The following CCDC9 variants were observed in gnomAD, a reference collection of about 807,000 sequenced individuals.
CCDC9 encodes the protein coiled-coil domain-containing protein 9.
Under a neutral mutation model 65.6 loss-of-function variants are expected in CCDC9, and 52 were observed. The observed-to-expected ratio is 0.79, with a 90% CI of 0.63 to 1.00. The LOEUF is 1.00. Ranked by LOEUF, CCDC9 falls within the 50% of genes least tolerant of loss-of-function variation. The probability of loss-of-function intolerance (pLI) is 0.00; values close to 1 mark genes in which losing one functional copy is unlikely to be tolerated. For missense variants in CCDC9, 834 were observed against 757.2 expected (o/e 1.10, Z -1.19); for synonymous variants, 332 against 280.3 (o/e 1.18, Z -1.84).
downstream of CCDC9, chr19:47,275,225 G>A (rs2059151072): frequency 2.0e-6 from 3 of 1,529,954 alleles, no homozygotes; most frequent in Non-Finnish European, 2.6e-6. Context: ...TCCCCGGCGG[G>A]CCGCGACCCC....
Position 47,264,654 on chromosome 19 carries a change from GAGA to G in CCDC9, c.518_520del (p.Lys173del). On this transcript the variant is annotated inframe_deletion, in exon 6 of 12. Transcript: ENST00000221922. ...CATTGAGAAGATGAATGAGGAGATG[GAGA>G]AGATCGCCGAGTATGAGCGCAACCA... 6.2e-7 allele frequency: 1 copy of G among 1,605,262 alleles called. No homozygotes were observed. The highest frequency in any genetic ancestry group is 1.1e-5 in the South Asian group (1 of 89,482).
In CCDC9 at chr19:47,258,639, T is replaced by C; in HGVS notation, c.84T>C (p.Asn28=). ...DKRIEALRRK[N]EALIRRYQEI... ...GGATCGAGGCTCTTCGGCGGAAGAA[T>C]GAGGCCCTCATCCGGCGCTACCAGG... is the stretch of plus-strand genomic sequence containing the variant. The change falls in exon 3 of 12, where the codon AAT becomes AAC. Residue 28 remains asparagine, a synonymous_variant. Transcript: ENST00000221922. The C allele has an allele frequency of 6.2e-7, 1 of 1,614,058 alleles. No homozygotes were observed. Among genetic ancestry groups the C allele is most frequent in the Non-Finnish European group, 8.5e-7 (1 of 1,179,930 alleles).
chr19:47,274,953 G>A, downstream of CCDC9: 3 of 1,374,200 alleles, frequency 2.2e-6, no homozygotes, highest in Admixed American at 1.1e-4. Context: ...CGGCGGCGCC[G>A]AGAGCCCCGG....
At chr19:47,275,014 C>A, downstream of CCDC9, 1 of 1,480,026 alleles carries the variant, frequency 6.8e-7, no homozygotes, top group Non-Finnish European at 8.9e-7. Context: ...CGCTTGGCTC[C>A]GGTATGCGCC....
At position 47,260,697 on chromosome 19, in the gene CCDC9, G is replaced by T. The variant is rs376079362; in HGVS notation, c.320G>T (p.Arg107Leu). 1.3e-6 allele frequency: 2 copies of T among 1,566,142 alleles called. No homozygotes were observed. Among genetic ancestry groups the T allele is most frequent in the East Asian group, 4.5e-5 (2 of 44,576 alleles). The change falls in exon 5 of 12, where the codon CGA (arginine) becomes CTA (leucine). Residue 107 changes from arginine to leucine, a missense_variant. Transcript: ENST00000221922. ...CAGGGAGGCCGGGCCGGCATGGGCC[G>T]AGCATCGCGCAGCTGGGAGGGCAGC... ...PQQGGRAGMG[R>L]ASRSWEGSPG...
At chr19:47,262,586 G>A (rs1268233117) in intron 5 of CCDC9, among the ~76,000 whole-genome samples, 1 of 152,096 alleles carries the variant, frequency 6.6e-6, no homozygotes, top group Admixed American at 6.6e-5. Context: ...CTGGGTTGCC[G>A]ACATGGTTGC....
chr19:47,265,476 G>C (rs984851510), intron 7 of CCDC9, among the ~76,000 whole-genome samples: 2 of 152,102 alleles, frequency 1.3e-5, no homozygotes, highest in African/African-American at 4.8e-5. Context: ...TGTGTGAGGG[G>C]TGGGGACCTG....
chr19:47,266,107 T>G (rs1238896858), intron 7 of CCDC9, among the ~76,000 whole-genome samples: 1 of 146,086 alleles, frequency 6.8e-6, no homozygotes, highest in East Asian at 2.2e-4. Context: ...GCCAGTCTCC[T>G]GCCTCAGCCT....
chr19:47,275,392 C>G (rs911815245), downstream of CCDC9: 11 of 1,519,188 alleles, frequency 7.2e-6, no homozygotes, highest in African/African-American at 1.2e-4. Flanking sequence ...CTCGAGAGCT[C>G]TGTGCTCCAC....
chr19:47,266,816 C>G (rs2059085490), intron 8 of CCDC9, 24 bp downstream of exon 8: 6 of 1,587,850 alleles, frequency 3.8e-6, no homozygotes, highest in South Asian at 1.2e-5. Context: ...CCGCTCCTCT[C>G]CCCATGTGGC....
chr19:47,274,028 AG>A, downstream of CCDC9: 1 of 963,380 alleles, frequency 1.0e-6, no homozygotes, highest in Non-Finnish European at 1.2e-6. Flanking sequence ...CTTGATGGGG[AG>A]GGGGCGTGAG....
Position 47,260,327 on chromosome 19 carries a change from G to A in CCDC9, c.115G>A (p.Glu39Lys). 1.9e-6 allele frequency: 3 copies of A among 1,587,000 alleles called. No homozygotes were observed. Among genetic ancestry groups the A allele is most frequent in the Non-Finnish European group, 2.6e-6 (3 of 1,166,212 alleles). ...EALIRRYQEI[E>K]EDRKKAELEG... is the part of the protein sequence containing the mutation. ...CCCGGCTGTCTGCTCCTAGGAGATT[G>A]AGGAAGACCGTAAGAAAGCTGAACT... Residue 39 changes from glutamate (E) to lysine (K), a missense_variant, in exon 4 of 12, where the codon GAG (glutamate) becomes AAG (lysine). Coordinates refer to ENST00000221922, the MANE Select transcript of CCDC9 (RefSeq NM_015603.3).
Position 47,266,702 on chromosome 19 carries a change from G to A in CCDC9, c.812G>A (p.Arg271Lys). 6.2e-7 allele frequency: 1 copy of A among 1,611,394 alleles called. No homozygotes were observed. The highest frequency in any genetic ancestry group is 8.5e-7 in the Non-Finnish European group (1 of 1,178,810). ...RSEYLRWKQE[R>K]EKIDQERLQR... ...GAGTACCTGCGCTGGAAGCAGGAGA[G>A]GGAGAAGATCGACCAGGAGCGGCTG... Residue 271 changes from arginine (R) to lysine (K), a missense_variant, in exon 8 of 12, where the codon AGG (arginine) becomes AAG (lysine). Arg to Lys is a conservative substitution (Grantham distance 26). Transcript: ENST00000221922.
intron 8 of CCDC9, among the ~76,000 whole-genome samples, chr19:47,267,257 C>T (rs943933673): frequency 7.2e-5 from 11 of 151,966 alleles, no homozygotes; most frequent in South Asian, 2.1e-4. Flanking sequence ...AGCCACCGCG[C>T]GCGGCCGAGC....
At chr19:47,267,524 C>T (rs1304106152) in intron 8 of CCDC9, among the ~76,000 whole-genome samples, 5 of 152,200 alleles carry the variant, frequency 3.3e-5, no homozygotes, top group Non-Finnish European at 7.4e-5. Context: ...GGTGAATTCA[C>T]TCTGCGCCAG....
chr19:47,273,197 A>C (rs1284375900), downstream of CCDC9, among the ~76,000 whole-genome samples: 1 of 151,038 alleles, frequency 6.6e-6, no homozygotes, highest in African/African-American at 2.4e-5. Context: ...GGGTCCGCTG[A>C]GAGGATTAGT....
At chr19:47,258,265 A>C (rs2059023699) in intron 1 of CCDC9, 65 bp from the exon 2 acceptor site, 1 of 861,030 alleles carries the variant, frequency 1.2e-6, no homozygotes, top group Admixed American at 1.9e-5. Flanking sequence ...ATCCCGCAGT[A>C]TGTTAGAGGG....
chr19:47,259,034 GA>G (rs1297672124), intron 3 of CCDC9, among the ~76,000 whole-genome samples: 1 of 152,234 alleles, frequency 6.6e-6, no homozygotes, highest in African/African-American at 2.4e-5. Context: ...GAGTCCAGAG[GA>G]GGCTCTTGAC....
chr19:47,265,664 A>C (rs80274601), intron 7 of CCDC9, among the ~76,000 whole-genome samples: 6,454 of 150,330 alleles, frequency 0.043, 464 homozygotes, highest in African/African-American at 0.15. Context: ...TGTGCCAGGT[A>C]CTGTTTTAGG....
Sources: gnomAD v4.1 joint callset for allele counts (sites outside exome capture counted in the v4.1 genomes callset) on GRCh38, gnomAD v4.1.1 for gene constraint, MANE v1.5 for transcripts, NCBI Gene and HGNC (gene_info 2026-07-23, HGNC 2026-07-21) for gene names.